CTNNA3: variants seen among roughly 807,000 people sequenced by gnomAD.
CTNNA3 encodes catenin alpha-3.
In CTNNA3, 76 loss-of-function variants were observed where a neutral mutation model predicts 95.7. The ratio of observed to expected loss-of-function variants is 0.79; its 90% CI spans 0.66 to 0.96. The LOEUF is 0.96. Ranked by LOEUF, CTNNA3 falls within the 40% of genes least tolerant of loss-of-function variation. The pLI, the probability that CTNNA3 is intolerant of heterozygous loss-of-function variation, is 0.00. For missense variants in CTNNA3, 1,191 were observed against 1,089.8 expected (o/e 1.09, Z -1.31); for synonymous variants, 431 against 374.4 (o/e 1.15, Z -1.74).
intron 9 of CTNNA3, among the ~76,000 whole-genome samples, chr10:66,750,655 C>T (rs1839095285): frequency 6.6e-6 from 1 of 152,164 alleles, no homozygotes; most frequent in Non-Finnish European, 1.5e-5. Context: ...GTCAGTCCTC[C>T]AATGTTGTAC....
At position 67,737,550 on chromosome 10, in the gene CTNNA3, A is replaced by G. The variant is rs142489449; in HGVS notation, c.-2+25884T>C. Among the ~76,000 whole-genome samples the G allele has an allele frequency of 1.7e-3, 253 of 152,338 alleles. 2 individuals are homozygous for G. Among genetic ancestry groups the G allele is most frequent in the African/African-American group, 5.7e-3 (237 of 41,594 alleles). On this transcript the variant is annotated intron_variant, in intron 1 of 17. Transcript: ENST00000684154. ...CCAAAAAATGCAAAGGATCAACCAA[A>G]TTAAAAGTTAGTTTTTTGGCAACCC...
intron 5 of CTNNA3, among the ~76,000 whole-genome samples, chr10:67,236,013 A>G (rs1429066004): frequency 6.8e-6 from 1 of 146,690 alleles, no homozygotes; most frequent in East Asian, 2.0e-4. Flanking sequence ...AGGAAACAAC[A>G]GGTGCTGGAG....
chr10:66,221,646 T>C (rs1378405640), intron 13 of CTNNA3, among the ~76,000 whole-genome samples: 2 of 152,216 alleles, frequency 1.3e-5, no homozygotes, highest in Non-Finnish European at 2.9e-5. Flanking sequence ...GTAATAGTTT[T>C]CAGGCAATTG....
chr10:66,802,049 A>T (rs577560791), intron 7 of CTNNA3, among the ~76,000 whole-genome samples: 19 of 151,872 alleles, frequency 1.3e-4, no homozygotes, highest in African/African-American at 4.1e-4. Flanking sequence ...CATATTTTTT[A>T]AATGAACCTC....
intron 10 of CTNNA3, among the ~76,000 whole-genome samples, chr10:66,582,348 T>C (rs1011100942): frequency 5.3e-5 from 8 of 151,914 alleles, no homozygotes; most frequent in African/African-American, 1.7e-4. Flanking sequence ...CTTGTAGAGA[T>C]ACTACACCTC....
At chr10:66,702,349 G>C (rs540221348) in intron 9 of CTNNA3, among the ~76,000 whole-genome samples, 1 of 151,972 alleles carries the variant, frequency 6.6e-6, no homozygotes, top group Non-Finnish European at 1.5e-5. Flanking sequence ...ACCAGGAAGT[G>C]AGTCCTCTAG....
intron 10 of CTNNA3, among the ~76,000 whole-genome samples, chr10:66,576,754 C>T (rs544764603): frequency 3.3e-5 from 5 of 151,990 alleles, no homozygotes; most frequent in African/African-American, 1.2e-4. Context: ...TTGGTTGATG[C>T]CATGTCTTTG....
At chr10:67,184,559 ATT>A (rs1239880178) in intron 6 of CTNNA3, among the ~76,000 whole-genome samples, 2 of 152,188 alleles carry the variant, frequency 1.3e-5, no homozygotes, top group African/African-American at 4.8e-5. Flanking sequence ...GGTGTTGGCT[ATT>A]GTTTGTGCTG....
chr10:66,602,935 GAA>G (rs892870534), intron 10 of CTNNA3, among the ~76,000 whole-genome samples: 1 of 151,908 alleles, frequency 6.6e-6, no homozygotes, highest in Non-Finnish European at 1.5e-5. Context: ...TTGCATAGAA[GAA>G]ATATACCTCA....
intron 11 of CTNNA3, among the ~76,000 whole-genome samples, chr10:66,381,487 A>G (rs1166987035): frequency 6.6e-6 from 1 of 152,182 alleles, no homozygotes; most frequent in African/African-American, 2.4e-5. Context: ...ATTTTATCTT[A>G]TTCCTCGAGG....
intron 14 of CTNNA3, among the ~76,000 whole-genome samples, chr10:66,093,663 A>G (rs1445355329): frequency 6.6e-6 from 1 of 152,142 alleles, no homozygotes; most frequent in Non-Finnish European, 1.5e-5. Context: ...CAAGCAGATC[A>G]ATTAATATTT....
In CTNNA3 at chr10:66,927,712, G is replaced by T; in HGVS notation, c.1048-152188C>A. 6.2e-7 allele frequency: 1 copy of T among 1,614,146 alleles called. No individual in the cohort carries two copies. Among genetic ancestry groups the T allele is most frequent in the Non-Finnish European group, 8.5e-7 (1 of 1,180,040 alleles). On this transcript the variant is annotated intron_variant, in intron 7 of 17. Transcript: ENST00000433211. This position sits in a 1 kb window ranked among gnomAD's most constrained non-coding sequence, Gnocchi z 4.7. ...GCTTGATTTATCAGGCAATGAGATC[G>T]AAGCTTTCAGTGGACCCAGTGTTTT...
At chr10:66,826,601 A>C (rs1454565051) in intron 7 of CTNNA3, among the ~76,000 whole-genome samples, 1 of 152,218 alleles carries the variant, frequency 6.6e-6, no homozygotes, top group Non-Finnish European at 1.5e-5. Flanking sequence ...AGTAAGCTCC[A>C]AACAAATTTA....
intron 13 of CTNNA3, among the ~76,000 whole-genome samples, chr10:66,225,728 C>A (rs926802734): frequency 4.0e-5 from 6 of 151,716 alleles, no homozygotes; most frequent in African/African-American, 1.5e-4. Flanking sequence ...TCTCCACATC[C>A]TCACCAACAT....
At chr10:67,750,134 C>A in intron 1 of CTNNA3, 1 of 800,720 alleles carries the variant, frequency 1.2e-6, no homozygotes, top group East Asian at 2.7e-5. Context: ...TCCAGACACA[C>A]CATCTTTAAG....
intron 7 of CTNNA3, among the ~76,000 whole-genome samples, chr10:67,149,136 ACT>A (rs930523270): frequency 6.6e-6 from 1 of 152,108 alleles, no homozygotes; most frequent in African/African-American, 2.4e-5. Flanking sequence ...TTCCCAGTTT[ACT>A]CTCAGGCAGT....
intron 9 of CTNNA3, among the ~76,000 whole-genome samples, chr10:66,622,725 C>T (rs1844793788): frequency 6.6e-6 from 1 of 152,140 alleles, no homozygotes; most frequent in South Asian, 2.1e-4. Flanking sequence ...TAACGCATTG[C>T]AGTTTTTCCT....
rs1440395061 is a variant in CTNNA3, at chr10:67,727,626, CTATTATA to C, written c.-2+35801_-2+35807del. ...ATATATTATATATGCAATATATGGTCTATTATATATTATATATTATTATATTATATAT... is the reference window on the plus strand; with the variant it reads ...ATATATTATATATGCAATATATGGTCTATTATATATTATTATATTATATAT... On this transcript the variant is annotated intron_variant, in intron 1 of 17. Coordinates refer to the CTNNA3 transcript ENST00000684154. 4.1e-5 allele frequency among the ~76,000 whole-genome samples: 5 copies of C among 121,996 alleles called. No individual in the cohort carries two copies. In the East Asian group the frequency reaches 1.1e-3, roughly 27 times the overall value. The allele number at this position is 121,996 out of a possible 152,430, so 80.0% of individuals were successfully genotyped here. A position where few individuals can be genotyped will look rare whatever the true frequency, so the allele number is the denominator to read the frequency against.
chr10:65,926,579 C>T (rs372582952), intron 17 of CTNNA3, among the ~76,000 whole-genome samples: 13 of 151,186 alleles, frequency 8.6e-5, no homozygotes, highest in Non-Finnish European at 1.5e-4. Flanking sequence ...CGGGTTCAAG[C>T]GATTCTCCTG....
Sources: gnomAD v4.1 joint callset for allele counts (sites outside exome capture counted in the v4.1 genomes callset) on GRCh38, gnomAD v4.1.1 for gene constraint, Gnocchi (gnomAD v3.1) non-coding constraint, MANE v1.5 for transcripts, NCBI Gene and HGNC (gene_info 2026-07-23, HGNC 2026-07-21) for gene names.